The following PRKDC variants were observed in gnomAD, a reference collection of about 807,000 sequenced individuals.
The protein encoded by PRKDC is DNA-dependent protein kinase catalytic subunit.
A neutral mutation model predicts 486.9 loss-of-function variants in PRKDC; 82 were observed. That is an observed-to-expected ratio of 0.17 (90% CI 0.14 to 0.20). The LOEUF is 0.20. PRKDC is among the 10% of genes least tolerant of loss of function. The probability of loss-of-function intolerance (pLI) is 1.00; values close to 1 mark genes in which losing one functional copy is unlikely to be tolerated. For synonymous variants in PRKDC, 1,895 were observed against 1,837.0 expected (o/e 1.03, Z -0.81); for missense variants, 4,504 against 5,038.2 (o/e 0.89, Z 3.21).
intron 59 of PRKDC, 125 bp downstream of exon 59, chr8:47,834,071 A>G: frequency 7.8e-7 from 1 of 1,287,748 alleles, no homozygotes; most frequent in Non-Finnish European, 1.1e-6. Context: ...ACATTAACTG[A>G]ATTTTAAAGG....
chr8:47,888,200 T>A (rs1451762452), intron 34 of PRKDC, among the ~76,000 whole-genome samples: 1 of 152,190 alleles, frequency 6.6e-6, no homozygotes, highest in African/African-American at 2.4e-5. Flanking sequence ...CTATGCTAGA[T>A]TCTTCATTTG....
intron 1 of PRKDC, 32 bp from the exon 2 acceptor site, chr8:47,957,463 G>C: frequency 6.6e-7 from 1 of 1,514,968 alleles, no homozygotes; most frequent in Non-Finnish European, 9.0e-7. Flanking sequence ...CAAGTTAAGA[G>C]AGTGCCAAGA....
intron 58 of PRKDC, 57 bp from the exon 59 acceptor site, chr8:47,834,453 G>A: frequency 1.9e-6 from 3 of 1,567,496 alleles, no homozygotes; most frequent in Non-Finnish European, 2.6e-6. Context: ...CTGTGCACGG[G>A]GCAGGACCAC....
At chr8:47,823,747 A>G in intron 64 of PRKDC, 111 bp downstream of exon 64, 1 of 1,296,582 alleles carries the variant, frequency 7.7e-7, no homozygotes, top group Non-Finnish European at 1.1e-6. Context: ...TGTAACGAAA[A>G]GACATTGAAC....
chr8:47,902,496 G>T, intron 27 of PRKDC, 73 bp downstream of exon 27: 1 of 1,055,120 alleles, frequency 9.5e-7, no homozygotes, highest in Non-Finnish European at 1.3e-6. Flanking sequence ...ATGACACACG[G>T]ATACACAGAG....
chr8:47,881,776 A>G, intron 37 of PRKDC, 136 bp downstream of exon 37: 1 of 787,922 alleles, frequency 1.3e-6, no homozygotes, highest in East Asian at 2.8e-5. Flanking sequence ...AGGTAAATAT[A>G]AGCAACCATC....
chr8:47,952,541 T>C (rs2090641898), intron 7 of PRKDC, among the ~76,000 whole-genome samples: 1 of 152,156 alleles, frequency 6.6e-6, no homozygotes, highest in Non-Finnish European at 1.5e-5. Flanking sequence ...TTGATTACAA[T>C]GGTACATACA....
At chr8:47,928,737 A>G (rs1450061535) in intron 19 of PRKDC, among the ~76,000 whole-genome samples, 1 of 151,614 alleles carries the variant, frequency 6.6e-6, no homozygotes, top group Non-Finnish European at 1.5e-5. Context: ...AGCCTGGAGT[A>G]CAGTAGTGCA....
At chr8:47,918,891 C>T (rs2090030564) in intron 21 of PRKDC, among the ~76,000 whole-genome samples, 1 of 151,986 alleles carries the variant, frequency 6.6e-6, no homozygotes, top group African/African-American at 2.4e-5. Flanking sequence ...TCAGTGGATA[C>T]TAAAACTATT....
intron 21 of PRKDC, among the ~76,000 whole-genome samples, chr8:47,926,662 T>G (rs1427715162): frequency 6.6e-6 from 1 of 152,330 alleles, no homozygotes; most frequent in Admixed American, 6.5e-5. Context: ...TTTTCTTTTC[T>G]TGACTAGTAA....
intron 56 of PRKDC, 69 bp from the exon 57 acceptor site, chr8:47,837,488 G>C (rs916335029): frequency 2.4e-6 from 3 of 1,259,242 alleles, no homozygotes; most frequent in East Asian, 4.9e-5. Context: ...GCTGTACAGG[G>C]TGTCCTGTGG....
intron 83 of PRKDC, 112 bp downstream of exon 83, chr8:47,778,347 G>A (rs1304562824): frequency 1.3e-5 from 15 of 1,175,874 alleles, no homozygotes; most frequent in East Asian, 5.1e-5. Context: ...ATGACAAAAC[G>A]AATCTAACTA....
chr8:47,914,630 T>C (rs895979064), intron 23 of PRKDC, among the ~76,000 whole-genome samples: 1 of 151,896 alleles, frequency 6.6e-6, no homozygotes, highest in African/African-American at 2.4e-5. Context: ...TGAAACCCCA[T>C]CTCTACTAAA....
chr8:47,909,145 A>G (rs984690251), intron 25 of PRKDC, among the ~76,000 whole-genome samples: 1 of 152,214 alleles, frequency 6.6e-6, no homozygotes, highest in Admixed American at 6.5e-5. Context: ...GGATTGGTTT[A>G]GCCACAATCC....
intron 40 of PRKDC, among the ~76,000 whole-genome samples, chr8:47,871,504 A>C (rs1057329768): frequency 2.0e-5 from 3 of 152,248 alleles, no homozygotes; most frequent in African/African-American, 7.2e-5. Flanking sequence ...TCCTTCAAGC[A>C]TGAAGACTTT....
At chr8:47,901,107 C>G (rs951930737) in intron 27 of PRKDC, among the ~76,000 whole-genome samples, 1 of 151,326 alleles carries the variant, frequency 6.6e-6, no homozygotes, top group South Asian at 2.1e-4. Context: ...CATGATCCCC[C>G]CACTGCACTC....
intron 62 of PRKDC, among the ~76,000 whole-genome samples, chr8:47,827,076 G>T (rs914572330): frequency 2.0e-5 from 3 of 150,424 alleles, no homozygotes; most frequent in African/African-American, 7.3e-5. Flanking sequence ...CCATTCCAGG[G>T]ATCAATTTAA....
chr8:47,859,030 T>C (rs747441706), intron 46 of PRKDC, 44 bp from the exon 47 acceptor site: 2 of 1,603,100 alleles, frequency 1.2e-6, no homozygotes, highest in Admixed American at 1.7e-5. Context: ...ACAGTTAACA[T>C]TCAGTGGACA....
At chr8:47,916,821 C>G (rs552385865) in intron 22 of PRKDC, among the ~76,000 whole-genome samples, 2 of 152,286 alleles carry the variant, frequency 1.3e-5, no homozygotes, top group African/African-American at 4.8e-5. Flanking sequence ...TCAGAGTCAA[C>G]GCTAGAGAAT....
Sources: allele counts gnomAD v4.1 joint callset (sites outside exome capture counted in the v4.1 genomes callset), GRCh38; gene constraint gnomAD v4.1.1; transcripts MANE v1.5; gene names NCBI Gene and HGNC (gene_info 2026-07-23, HGNC 2026-07-21).